The following IL2RA variants were observed in gnomAD, a reference collection of about 807,000 sequenced individuals.
IL2RA encodes the protein interleukin 2 receptor subunit alpha.
Under a neutral mutation model 37.8 loss-of-function variants are expected in IL2RA, and 24 were observed. That is an observed-to-expected ratio of 0.63 (90% CI 0.46 to 0.89). IL2RA has a LOEUF of 0.89. Among genes scored for constraint, IL2RA ranks in the 40% least tolerant of loss-of-function variants. IL2RA has a pLI of 0.00. For synonymous variants in IL2RA, 125 were observed against 114.6 expected (o/e 1.09, Z -0.58); for missense variants, 319 against 348.6 (o/e 0.92, Z 0.68).
chr10:6,014,463 A>G lies in IL2RA; in HGVS notation c.795-1567T>C, dbSNP rs1248377981. 6.6e-6 allele frequency among the ~76,000 whole-genome samples: 1 copy of G among 152,188 alleles called. No individual in the cohort carries two copies. Among genetic ancestry groups the G allele is most frequent in the Non-Finnish European group, 1.5e-5 (1 of 68,040 alleles). ...TTGTAGTTCTGGGAGACCTTGTGGG[A>G]ACTCACATAGGTTCACACAGTTATT... On this transcript the variant is annotated intron_variant, in intron 7 of 7. Coordinates refer to ENST00000379959, the MANE Select transcript of IL2RA (RefSeq NM_000417.3). This position sits in a 1 kb window ranked among gnomAD's most constrained non-coding sequence, Gnocchi z 4.4.
intron 1 of IL2RA, among the ~76,000 whole-genome samples, chr10:6,041,856 T>C (rs1839776967): frequency 6.6e-6 from 1 of 152,096 alleles, no homozygotes; most frequent in Admixed American, 6.5e-5. Context: ...CACAGATAAA[T>C]ATCACTGTGG....
rs1349249946 is a variant in IL2RA, at chr10:6,057,777, G to T, written c.64+4311C>A. On this transcript the variant is annotated intron_variant, in intron 1 of 7. Coordinates refer to ENST00000379959, the MANE Select transcript of IL2RA (RefSeq NM_000417.3). The surrounding 1 kb of genome is among the most constrained non-coding windows in gnomAD (Gnocchi z 4.8). Reference sequence around the variant, plus strand: ...GGGTGGGAACAGCTGCCACGTTGAGGGACTGCCTGCCTTGATGATATCCAT... The same window carrying T: ...GGGTGGGAACAGCTGCCACGTTGAGTGACTGCCTGCCTTGATGATATCCAT... Among the ~76,000 whole-genome samples the T allele has an allele frequency of 6.6e-6, 1 of 152,118 alleles. No individual in the cohort carries two copies. Among genetic ancestry groups the T allele is most frequent in the East Asian group, 1.9e-4 (1 of 5,196 alleles).
chr10:6,031,831 TAGTACAAATTTGGAAGTTATTTCTAAA>T (rs1839599497), intron 1 of IL2RA, among the ~76,000 whole-genome samples: 1 of 152,142 alleles, frequency 6.6e-6, no homozygotes, highest in South Asian at 2.1e-4. Flanking sequence ...CACAATTTTT[TAGTACAAATTTGGAAGTTATTTCTAAA>T]AGCTCCTTAG....
In IL2RA at chr10:6,062,116, C is replaced by T; in HGVS notation, c.36G>A (p.Thr12=). ...DSYLLMWGLL[T]FIMVPGCQAE... is the part of the protein sequence containing the mutation. ...CCTGGCAGCCAGGCACCATGATGAA[C>T]GTGAGCAGTCCCCACATCAGCAGGT... Residue 12 remains threonine, a synonymous_variant, in exon 1 of 8, where the codon ACG becomes ACA. Coordinates refer to ENST00000379959, the MANE Select transcript of IL2RA (RefSeq NM_000417.3). The T allele has an allele frequency of 6.2e-7, 1 of 1,614,088 alleles. No individual in the cohort carries two copies. The highest frequency in any genetic ancestry group is 8.5e-7 in the Non-Finnish European group (1 of 1,179,964).
At chr10:6,023,900 A>G (rs1425188019) in intron 3 of IL2RA, among the ~76,000 whole-genome samples, 1 of 152,222 alleles carries the variant, frequency 6.6e-6, no homozygotes, top group African/African-American at 2.4e-5. Context: ...GATCGTTGTC[A>G]CACTCTTGTT....
At chr10:6,019,615 CGTG>C (rs1839346657) in intron 5 of IL2RA, 116 bp from the exon 6 acceptor site, 3 of 851,302 alleles carry the variant, frequency 3.5e-6, no homozygotes, top group African/African-American at 1.7e-5. Context: ...GTGGGAGACA[CGTG>C]GTGGTGGTGA....
rs564398253 is a variant in IL2RA, at chr10:6,014,805, C to T, written c.795-1909G>A. Reference sequence around the variant, plus strand: ...AACCCTAGGGGGCTTATCATTTGCACTGCAGTAATTTATACTTTTTAATTC... The same window carrying T: ...AACCCTAGGGGGCTTATCATTTGCATTGCAGTAATTTATACTTTTTAATTC... On this transcript the variant is annotated intron_variant, in intron 7 of 7. Coordinates refer to ENST00000379959, the MANE Select transcript of IL2RA (RefSeq NM_000417.3). The surrounding 1 kb of genome is among the most constrained non-coding windows in gnomAD (Gnocchi z 4.4). Among the ~76,000 whole-genome samples the T allele has an allele frequency of 3.9e-5, 6 of 152,308 alleles. No homozygotes were observed. The highest frequency in any genetic ancestry group is 1.4e-4 in the African/African-American group (6 of 41,562).
intron 1 of IL2RA, among the ~76,000 whole-genome samples, chr10:6,031,197 G>C (rs1054614978): frequency 3.3e-5 from 5 of 151,402 alleles, no homozygotes; most frequent in Admixed American, 2.6e-4. Context: ...AAACAGCAGG[G>C]CCCAACTATA....
chr10:6,029,797 C>G lies in IL2RA; in HGVS notation c.65-3772G>C, dbSNP rs1378692951. Reference sequence around the variant, plus strand: ...TTGGCTCACTGAAACCTCTGCCTCCCAGATTCAAGTGATTCTTCTGCCTCA... The same window carrying G: ...TTGGCTCACTGAAACCTCTGCCTCCGAGATTCAAGTGATTCTTCTGCCTCA... On this transcript the variant is annotated intron_variant, in intron 1 of 7. Coordinates refer to ENST00000379959, the MANE Select transcript of IL2RA (RefSeq NM_000417.3). The surrounding 1 kb of genome is among the most constrained non-coding windows in gnomAD (Gnocchi z 4.6). Among the ~76,000 whole-genome samples the G allele has an allele frequency of 1.3e-5, 2 of 152,088 alleles. No homozygotes were observed.
intron 2 of IL2RA, 45 bp from the exon 3 acceptor site, chr10:6,024,399 T>C (rs1839444575): frequency 7.3e-7 from 1 of 1,375,954 alleles, no homozygotes; most frequent in Non-Finnish European, 1.0e-6. Flanking sequence ...CACAAATGCT[T>C]CATAGAAAAC....
At chr10:6,034,972 T>G (rs1268369000) in intron 1 of IL2RA, among the ~76,000 whole-genome samples, 1 of 152,220 alleles carries the variant, frequency 6.6e-6, no homozygotes, top group Non-Finnish European at 1.5e-5. Flanking sequence ...TCTGAGATTA[T>G]TTGAAGTGTC....
rs1839262263 is a variant in IL2RA at position 6,015,572 on chromosome 10, G to A, written c.794+2481C>T. Among the ~76,000 whole-genome samples, 1 of 152,192 alleles carries A rather than the reference G, an allele frequency of 6.6e-6. No individual in the cohort carries two copies. Among genetic ancestry groups the A allele is most frequent in the Non-Finnish European group, 1.5e-5 (1 of 68,034 alleles). On this transcript the variant is annotated intron_variant, in intron 7 of 7. Transcript: ENST00000379959. The surrounding 1 kb of genome is among the most constrained non-coding windows in gnomAD (Gnocchi z 4.9). ...CTGTGCTTTAACAAGGCCTCCAGAT[G>A]ATTCTTTCAACAAATGTTTTTAAGT...
chr10:6,016,600 T>C (rs1443352134), intron 7 of IL2RA, among the ~76,000 whole-genome samples: 11 of 151,986 alleles, frequency 7.2e-5, no homozygotes, highest in Non-Finnish European at 1.6e-4. Flanking sequence ...GAGACAGAGT[T>C]TCACTCTTGT....
chr10:6,050,712 T>G (rs1308123162), intron 1 of IL2RA, among the ~76,000 whole-genome samples: 1 of 152,162 alleles, frequency 6.6e-6, no homozygotes, highest in Non-Finnish European at 1.5e-5. Context: ...CCATGAGGAA[T>G]CTGTAAGATC....
intron 3 of IL2RA, among the ~76,000 whole-genome samples, chr10:6,023,617 T>A (rs1839425311): frequency 6.6e-6 from 1 of 152,224 alleles, no homozygotes; most frequent in African/African-American, 2.4e-5. Context: ...ATTACAGGCG[T>A]GAGCCACTGC....
At chr10:6,051,198 G>T (rs893458297) in intron 1 of IL2RA, among the ~76,000 whole-genome samples, 1 of 152,132 alleles carries the variant, frequency 6.6e-6, no homozygotes, top group East Asian at 1.9e-4. Context: ...CCACACTGGT[G>T]CTCAGCTGGG....
At chr10:6,050,623 A>G (rs1229559346) in intron 1 of IL2RA, among the ~76,000 whole-genome samples, 1 of 152,166 alleles carries the variant, frequency 6.6e-6, no homozygotes, top group Non-Finnish European at 1.5e-5. Flanking sequence ...CAGTCTGGGC[A>G]ACAGAGTGAG....
intron 1 of IL2RA, among the ~76,000 whole-genome samples, chr10:6,060,251 G>T (rs1187191046): frequency 6.6e-6 from 1 of 152,190 alleles, no homozygotes; most frequent in African/African-American, 2.4e-5. Flanking sequence ...TGGACTCTGA[G>T]GACTCAGGGG....
Position 6,035,325 on chromosome 10 carries a change from C to T in IL2RA, c.65-9300G>A, listed in dbSNP as rs74326473. 3.9e-3 allele frequency among the ~76,000 whole-genome samples: 600 copies of T among 152,324 alleles called. 6 individuals are homozygous for T. The highest frequency in any genetic ancestry group is 7.0e-3 in the Non-Finnish European group (477 of 68,020). On this transcript the variant is annotated intron_variant, in intron 1 of 7. Transcript: ENST00000379959. The surrounding 1 kb of genome is among the most constrained non-coding windows in gnomAD (Gnocchi z 5.4). The stretch of plus-strand genomic sequence containing the variant: ...GCAGGGATGGAGAGTGAGGGCCTGC[C>T]TTCATGGCAGTAGGCTCTGAGTGGG...
Sources: allele counts gnomAD v4.1 joint callset (sites outside exome capture counted in the v4.1 genomes callset), GRCh38; gene constraint gnomAD v4.1.1; non-coding constraint Gnocchi (gnomAD v3.1); transcripts MANE v1.5; gene names NCBI Gene and HGNC (gene_info 2026-07-23, HGNC 2026-07-21).